The following PPP1R13B variants were observed in gnomAD, a reference collection of about 807,000 sequenced individuals.
PPP1R13B encodes the protein protein phosphatase 1 regulatory subunit 13B.
A neutral mutation model predicts 119.8 loss-of-function variants in PPP1R13B; 44 were observed. The observed-to-expected ratio is 0.37, with a 90% CI of 0.29 to 0.47. The LOEUF is 0.47. Ranked by LOEUF, PPP1R13B falls within the 20% of genes least tolerant of loss-of-function variation. PPP1R13B has a pLI of 0.99. For missense variants in PPP1R13B, 1,227 were observed against 1,413.5 expected, an observed-to-expected ratio of 0.87 and a Z score of 2.12; for synonymous variants, 542 against 561.5, an observed-to-expected ratio of 0.97 and a Z score of 0.49.
At chr14:103,776,573 GA>G (rs2085199340) in intron 4 of PPP1R13B, among the ~76,000 whole-genome samples, 1 of 152,132 alleles carries the variant, frequency 6.6e-6, no homozygotes, top group Non-Finnish European at 1.5e-5. Context: ...GTTACAGCCA[GA>G]AAAAGAAACT....
chr14:103,771,516 T>A (rs2085068907), intron 4 of PPP1R13B, among the ~76,000 whole-genome samples: 1 of 149,762 alleles, frequency 6.7e-6, no homozygotes, highest in Non-Finnish European at 1.5e-5. Context: ...GTCTCCCTCT[T>A]GTCCCCCAGG....
chr14:103,843,837 G>A (rs111688512), intron 1 of PPP1R13B, among the ~76,000 whole-genome samples: 12,630 of 151,776 alleles, frequency 0.083, 760 homozygotes, highest in Non-Finnish European at 0.13. Flanking sequence ...CCTGTAGTCT[G>A]AGCTACTTGG....
intron 1 of PPP1R13B, among the ~76,000 whole-genome samples, chr14:103,806,766 T>C (rs559033621): frequency 6.6e-6 from 1 of 152,210 alleles, no homozygotes; most frequent in South Asian, 2.1e-4. Flanking sequence ...AAATAAAGGA[T>C]TGGCTCAACT....
chr14:103,735,886 G>A, intron 16 of PPP1R13B, 117 bp downstream of exon 16: 2 of 1,147,236 alleles, frequency 1.7e-6, no homozygotes, highest in Non-Finnish European at 2.5e-6. Context: ...TCTACAGAGG[G>A]GGCTGCTGAG....
intron 7 of PPP1R13B, among the ~76,000 whole-genome samples, chr14:103,752,415 G>T (rs1429946391): frequency 6.6e-6 from 1 of 152,038 alleles, no homozygotes; most frequent in Non-Finnish European, 1.5e-5. Flanking sequence ...TTTTTTGGGT[G>T]ATAAAAATGT....
At chr14:103,847,587 G>C, upstream of PPP1R13B, 8 of 985,290 alleles carry the variant, frequency 8.1e-6, no homozygotes, top group South Asian at 4.5e-5. Context: ...CGGCCCGCCC[G>C]CCCGGCTCGC....
At chr14:103,756,302 C>T (rs1297978135) in intron 5 of PPP1R13B, among the ~76,000 whole-genome samples, 4 of 152,108 alleles carry the variant, frequency 2.6e-5, no homozygotes, top group African/African-American at 9.7e-5. Context: ...GTTGGCCAGG[C>T]TGGTCTCGAA....
rs753271337 is a variant in PPP1R13B, at chr14:103,736,132, G to C, written c.3102C>G (p.Asn1034Lys). 5.6e-6 allele frequency: 9 copies of C among 1,614,228 alleles called. No individual in the cohort carries two copies. The highest frequency in any genetic ancestry group is 2.2e-5 in the East Asian group (1 of 44,882). Residue 1034 changes from asparagine (N) to lysine (K), a missense_variant, in exon 16 of 17, where the codon AAC becomes AAG. Physicochemically the swap from Asn to Lys is moderately conservative, Grantham distance 94. Coordinates refer to ENST00000202556, the MANE Select transcript of PPP1R13B (RefSeq NM_015316.3). ...AYALWDYEAQ[N>K]SDELSFHEGD... ...CTTCGTGGAAGGACAGCTCGTCACT[G>C]TTCTGGGCCTCGTAGTCCCACAGAG... is the stretch of plus-strand genomic sequence containing the variant.
chr14:103,821,443 C>T (rs1387172670), intron 1 of PPP1R13B, among the ~76,000 whole-genome samples: 1 of 152,168 alleles, frequency 6.6e-6, no homozygotes, highest in Admixed American at 6.6e-5. Context: ...AGGAACATAT[C>T]AAGTGTGAAT....
chr14:103,818,439 T>C (rs2086328903), intron 1 of PPP1R13B: 2 of 937,260 alleles, frequency 2.1e-6, no homozygotes, highest in Non-Finnish European at 2.5e-6. Flanking sequence ...ACCTATATTA[T>C]GGAGAATGAC....
rs1354744570 is a variant in PPP1R13B at position 103,738,500 on chromosome 14, A to G, written c.2864+179T>C. The G allele has an allele frequency of 1.1e-6, 1 of 944,992 alleles. No individual in the cohort carries two copies. The highest frequency in any genetic ancestry group is 1.6e-6 in the Non-Finnish European group (1 of 644,602). 58.5% of individuals were successfully genotyped at this position (944,992 alleles called of 1,614,324 possible). ...ACGTTTTTAACAAAATCATCAAGAG[A>G]AAAGGCTGGAAAAAAAGGCAAGGAA... is the stretch of plus-strand genomic sequence containing the variant. On this transcript the variant is annotated intron_variant, in intron 14 of 16. Transcript: ENST00000202556. The surrounding 1 kb of genome is among the most constrained non-coding windows in gnomAD (Gnocchi z 5.6).
At chr14:103,796,673 A>G (rs1446575847) in intron 2 of PPP1R13B, among the ~76,000 whole-genome samples, 1 of 152,028 alleles carries the variant, frequency 6.6e-6, no homozygotes, top group Non-Finnish European at 1.5e-5. Flanking sequence ...AAACTTGTAC[A>G]TTGTCAGGTG....
At chr14:103,767,007 CTCTT>C (rs2084953770) in intron 4 of PPP1R13B, among the ~76,000 whole-genome samples, 1 of 152,060 alleles carries the variant, frequency 6.6e-6, no homozygotes, top group African/African-American at 2.4e-5. Flanking sequence ...CTATAGGCAA[CTCTT>C]TATTTTTGGA....
At chr14:103,816,797 C>T (rs1368044740) in intron 1 of PPP1R13B, among the ~76,000 whole-genome samples, 2 of 152,034 alleles carry the variant, frequency 1.3e-5, no homozygotes, top group African/African-American at 4.8e-5. Flanking sequence ...CCAGTAGCAA[C>T]TGGGGCTTAA....
chr14:103,829,271 CATCA>C (rs2086616889), intron 1 of PPP1R13B, among the ~76,000 whole-genome samples: 2 of 152,190 alleles, frequency 1.3e-5, no homozygotes, highest in African/African-American at 2.4e-5. Flanking sequence ...TACCTAAAGA[CATCA>C]ATTAGAAAGC....
At chr14:103,759,040 C>A (rs577079559) in intron 4 of PPP1R13B, among the ~76,000 whole-genome samples, 2 of 151,796 alleles carry the variant, frequency 1.3e-5, no homozygotes, top group South Asian at 4.2e-4. Flanking sequence ...CTCACTGCAA[C>A]CTCCGCCTCC....
At position 103,752,943 on chromosome 14, in the gene PPP1R13B, T is replaced by G. The variant is rs898746338; in HGVS notation, c.828+57A>C. The G allele has an allele frequency of 3.2e-6, 5 of 1,550,470 alleles. No individual in the cohort carries two copies. The African/African-American group carries it at 7.2e-5, about 22-fold the overall frequency. ...TCCTAAGGTTTCCAACCCATGCTAA[T>G]GAAAGATAGAAAGATGAGAATGTTT... On this transcript the variant is annotated intron_variant, in intron 7 of 16. Coordinates refer to ENST00000202556, the MANE Select transcript of PPP1R13B (RefSeq NM_015316.3).
rs775649972 is a variant in PPP1R13B, at chr14:103,784,882, C to T, written c.190G>A (p.Glu64Lys). The T allele has an allele frequency of 1.1e-5, 18 of 1,606,760 alleles. No individual in the cohort carries two copies. The South Asian group carries it at 1.2e-4, about 11-fold the overall frequency. ...RPIPFDHMMY[E>K]HLQKWGPRRE... ...CGTGGACCCCATTTCTGAAGATGTT[C>T]GTACATCATATGATCAAAGGGTATG... Residue 64 changes from glutamate to lysine, a missense_variant, in exon 3 of 17, where the codon GAA becomes AAA. Physicochemically the swap from Glu to Lys is moderately conservative, Grantham distance 56. Coordinates refer to ENST00000202556, the MANE Select transcript of PPP1R13B (RefSeq NM_015316.3).
At chr14:103,758,958 C>CTTTTTTTTTTT (rs10712106) in intron 4 of PPP1R13B, among the ~76,000 whole-genome samples, 1 of 144,810 alleles carries the variant, frequency 6.9e-6, no homozygotes, top group Non-Finnish European at 1.5e-5. Flanking sequence ...ATTTAACAGT[C>CTTTTTTTTTTT]TTTTTTTTTT....
Sources: gnomAD v4.1 joint callset for allele counts (sites outside exome capture counted in the v4.1 genomes callset) on GRCh38, gnomAD v4.1.1 for gene constraint, Gnocchi (gnomAD v3.1) non-coding constraint, MANE v1.5 for transcripts, NCBI Gene and HGNC (gene_info 2026-07-23, HGNC 2026-07-21) for gene names.